SLC38A7: variants seen among roughly 807,000 people sequenced by gnomAD.
SLC38A7 encodes solute carrier family 38 member 7, also known as sodium-coupled neutral amino acid transporter 7.
A neutral mutation model predicts 50.1 loss-of-function variants in SLC38A7; 29 were observed. That is an observed-to-expected ratio of 0.58 (90% confidence interval 0.43 to 0.79). The LOEUF is 0.79. Ranked by LOEUF, SLC38A7 falls within the 30% of genes least tolerant of loss-of-function variation. The pLI is 0.00. For synonymous variants in SLC38A7, 244 were observed against 245.9 expected, an observed-to-expected ratio of 0.99 and a Z score of 0.07; for missense variants, 483 against 610.6, an observed-to-expected ratio of 0.79 and a Z score of 2.20.
chr16:58,677,271 G>T, intron 6 of SLC38A7, 55 bp downstream of exon 6: 1 of 1,506,956 alleles, frequency 6.6e-7, no homozygotes, highest in Non-Finnish European at 9.2e-7. Context: ...CCCAGCACCT[G>T]CTGGGGCCCA....
intron 3 of SLC38A7, 147 bp downstream of exon 3, chr16:58,679,710 T>G (rs370801620): frequency 9.4e-7 from 1 of 1,059,462 alleles, no homozygotes; most frequent in Non-Finnish European, 1.4e-6. Context: ...GAAAGAATAC[T>G]AGAATAGATT....
chr16:58,678,644 A>AT lies in SLC38A7; in HGVS notation c.469+51dup. ...CAGTGCCTTTTCCCTCCACCCCAGG[A>AT]TCCCTGGGGCTGATAAGAAGAGATG... On this transcript the variant is annotated intron_variant, in intron 4 of 11. Transcript: ENST00000219320. The surrounding 1 kb of genome is among the most constrained non-coding windows in gnomAD (Gnocchi z 4.0). 1.9e-6 allele frequency: 3 copies of AT among 1,591,190 alleles called. No individual in the cohort carries two copies. Among genetic ancestry groups the AT allele is most frequent in the Non-Finnish European group, 2.6e-6 (3 of 1,162,834 alleles).
chr16:58,679,650 C>T, intron 3 of SLC38A7: 2 of 604,310 alleles, frequency 3.3e-6, no homozygotes, highest in South Asian at 4.9e-5. Flanking sequence ...AATTGATGTT[C>T]AAATTTCTCT....
chr16:58,678,243 G>A lies in SLC38A7; in HGVS notation c.611+90C>T. 7.2e-7 allele frequency: 1 copy of A among 1,398,382 alleles called. No homozygotes were observed. The highest frequency in any genetic ancestry group is 9.5e-7 in the Non-Finnish European group (1 of 1,057,122). The allele number at this position is 1,398,382 out of a possible 1,614,324, so 86.6% of individuals were successfully genotyped here. A position where few individuals can be genotyped will look rare whatever the true frequency, so the allele number is the denominator to read the frequency against. ...TACTCTTGCTCCCCAAGGTGAGGTGGCATGGAGGAGCAGGGTTCCCCAGGA... is the reference window on the plus strand; with the variant it reads ...TACTCTTGCTCCCCAAGGTGAGGTGACATGGAGGAGCAGGGTTCCCCAGGA... On this transcript the variant is annotated intron_variant, in intron 5 of 11. Coordinates refer to ENST00000219320, the MANE Select transcript of SLC38A7 (RefSeq NM_018231.3). This position sits in a 1 kb window ranked among gnomAD's most constrained non-coding sequence, Gnocchi z 4.0.
intron 8 of SLC38A7, among the ~76,000 whole-genome samples, chr16:58,675,615 T>TA (rs2044248769): frequency 6.6e-6 from 1 of 152,194 alleles, no homozygotes; most frequent in Non-Finnish European, 1.5e-5. Context: ...ATTCCCCAGT[T>TA]ACTCCTGCAT....
Position 58,666,946 on chromosome 16 carries a change from G to C in SLC38A7, c.*439C>G, listed in dbSNP as rs548683361. 5.4e-6 allele frequency: 1 copy of C among 186,436 alleles called. No individual in the cohort carries two copies. The highest frequency in any genetic ancestry group is 2.3e-5 in the African/African-American group (1 of 43,016). 11.5% of individuals were successfully genotyped at this position (186,436 alleles called of 1,614,324 possible). Reference sequence around the variant, plus strand: ...CCGTTGGAAGTGGCCAGGCTCCTGAGGAAGCTACCACTGGCCTGGGGTAAT... The same window carrying C: ...CCGTTGGAAGTGGCCAGGCTCCTGACGAAGCTACCACTGGCCTGGGGTAAT... On this transcript the variant is annotated 3_prime_UTR_variant, in exon 12 of 12. Transcript: ENST00000219320.
At chr16:58,671,820 C>T in intron 9 of SLC38A7, 1 of 304,354 alleles carries the variant, frequency 3.3e-6, no homozygotes, top group South Asian at 8.2e-5. Context: ...CCTTCTGCCT[C>T]AGCCTCCCAA....
At chr16:58,669,784 G>A (rs2044122928) in intron 11 of SLC38A7, among the ~76,000 whole-genome samples, 1 of 120,608 alleles carries the variant, frequency 8.3e-6, no homozygotes, top group Non-Finnish European at 1.8e-5. Context: ...AGACCGGCCT[G>A]GCCAACATGG....
rs1300367942 is a variant in SLC38A7 at position 58,678,545 on chromosome 16, C to T, written c.470-71G>A. The T allele has an allele frequency of 5.2e-6, 8 of 1,552,362 alleles. No homozygotes were observed. The African/African-American group carries it at 8.1e-5, about 16-fold the overall frequency. ...GTGTGGCCCTCCTGCTCTGCTGGGCCCCAGGACCTCCCTCTGCCTGGAGGG... is the reference window on the plus strand; with the variant it reads ...GTGTGGCCCTCCTGCTCTGCTGGGCTCCAGGACCTCCCTCTGCCTGGAGGG... On this transcript the variant is annotated intron_variant, in intron 4 of 11. Transcript: ENST00000219320. This position sits in a 1 kb window ranked among gnomAD's most constrained non-coding sequence, Gnocchi z 4.0.
At chr16:58,684,355 T>A (rs2044448167) in intron 1 of SLC38A7, 177 bp from the exon 2 acceptor site, 1 of 152,286 alleles carries the variant, frequency 6.6e-6, no homozygotes, top group Non-Finnish European at 1.5e-5. Context: ...AGCCCTGAGA[T>A]AGAAAGGGTG....
At chr16:58,668,183 A>G (rs879645348) in intron 11 of SLC38A7, among the ~76,000 whole-genome samples, 1 of 152,052 alleles carries the variant, frequency 6.6e-6, no homozygotes, top group Non-Finnish European at 1.5e-5. Flanking sequence ...CATGTCTATA[A>G]TCCCAGCACT....
At chr16:58,670,454 T>C (rs1020321118) in intron 10 of SLC38A7, among the ~76,000 whole-genome samples, 8 of 152,198 alleles carry the variant, frequency 5.3e-5, no homozygotes, top group Admixed American at 1.3e-4. Flanking sequence ...GTCTTCCTAG[T>C]ACACTTCCCA....
In SLC38A7 at chr16:58,666,371, C is replaced by CTTTTTTT. The variant is rs5817157; in HGVS notation, c.*1007_*1013dup. ...CGTGAGCCACTGCGCCCAGCCCTGC[C>CTTTTTTT]TTTTTTTTTTTTTTTTTTTTTTGTC... On this transcript the variant is annotated 3_prime_UTR_variant, in exon 12 of 12. Coordinates refer to ENST00000219320, the MANE Select transcript of SLC38A7 (RefSeq NM_018231.3). 13 of 99,964 alleles carry CTTTTTTT rather than the reference C, an allele frequency of 1.3e-4. 1 individual carries two copies. Among genetic ancestry groups the CTTTTTTT allele is most frequent in the African/African-American group, 1.4e-4 (3 of 22,030 alleles). 6.2% of individuals were successfully genotyped at this position (99,964 alleles called of 1,614,324 possible).
At position 58,678,828 on chromosome 16, in the gene SLC38A7, T is replaced by A; in HGVS notation, c.337A>T (p.Arg113Trp). The change falls in exon 4 of 12, where the codon AGG becomes TGG. Residue 113 changes from arginine to tryptophan, a missense_variant. By Grantham distance (101) the Arg-to-Trp change is moderately radical. Coordinates refer to ENST00000219320, the MANE Select transcript of SLC38A7 (RefSeq NM_018231.3). The surrounding 1 kb of genome is among the most constrained non-coding windows in gnomAD (Gnocchi z 4.0). ...GCCCATACCACCTCCTGGTAGGTCC[T>A]CTCATTGCTGGCCTGGGAGCAGTAG... ...LAYCSQASNE[R>W]TYQEVVWAVC... The A allele has an allele frequency of 6.2e-7, 1 of 1,614,156 alleles. No homozygotes were observed. The highest frequency in any genetic ancestry group is 1.1e-5 in the South Asian group (1 of 91,084).
At position 58,684,748 on chromosome 16, in the gene SLC38A7, A is replaced by C. The variant is rs985367123; in HGVS notation, c.-371T>G. 1 of 152,266 alleles carries C rather than the reference A, an allele frequency of 6.6e-6. No individual in the cohort carries two copies. The highest frequency in any genetic ancestry group is 2.4e-5 in the African/African-American group (1 of 41,454). 9.4% of individuals were successfully genotyped at this position (152,266 alleles called of 1,614,324 possible). ...GGATTCTTTCCCGAGCCGGCTGCGG[A>C]GACACGTGAGCATGCATCACATGAC... is the stretch of plus-strand genomic sequence containing the variant. On this transcript the variant is annotated 5_prime_UTR_variant, in exon 1 of 12. Transcript: ENST00000219320.
chr16:58,683,818 A>C (rs2152086937), intron 2 of SLC38A7, 137 bp downstream of exon 2: 1 of 152,420 alleles, frequency 6.6e-6, no homozygotes, highest in East Asian at 1.9e-4. Context: ...TGCCACCCAC[A>C]TGAGAGTGCA....
chr16:58,680,120 G>A lies in SLC38A7; in HGVS notation c.7C>T (p.Gln3Ter). 6.6e-7 allele frequency: 1 copy of A among 1,523,762 alleles called. No individual in the cohort carries two copies. Among genetic ancestry groups the A allele is most frequent in the Non-Finnish European group, 8.8e-7 (1 of 1,134,532 alleles). The allele number at this position is 1,523,762 out of a possible 1,614,324, so 94.4% of individuals were successfully genotyped here. A position where few individuals can be genotyped will look rare whatever the true frequency, so the allele number is the denominator to read the frequency against. MA[Q>*]VSINNDYSEW... is the part of the protein sequence containing the mutation. ...CTGTAGTCATTGTTGATGCTGACCTGGGCCATGGCCCCGAGAGCCTTCTTC... is the reference window on the plus strand; with the variant it reads ...CTGTAGTCATTGTTGATGCTGACCTAGGCCATGGCCCCGAGAGCCTTCTTC... The change falls in exon 3 of 12, where the codon CAG becomes TAG. Residue 3 changes from glutamine (Q) to a stop codon, truncating the protein, a stop_gained. Transcript: ENST00000219320. LOFTEE classifies it high-confidence loss of function.
In SLC38A7 at chr16:58,677,428, C is replaced by A. The variant is rs944774080; in HGVS notation, c.612-4G>T. On this transcript the variant is annotated splice_region_variant and splice_polypyrimidine_tract_variant and intron_variant, in intron 5 of 11. Transcript: ENST00000219320. ...GGTACCCACGACGCTCAGGAAGCTG[C>A]CGGGAAGGAGAGACTAAGTGTCCTC... 4.3e-6 allele frequency: 7 copies of A among 1,613,862 alleles called. No individual in the cohort carries two copies. The Admixed American group carries it at 6.7e-5, about 15-fold the overall frequency.
chr16:58,673,260 G>T (rs1219821616), intron 8 of SLC38A7, among the ~76,000 whole-genome samples: 2 of 147,788 alleles, frequency 1.4e-5, no homozygotes, highest in African/African-American at 5.0e-5. Context: ...TTTTGAGATG[G>T]AGTTTTGCTC....
Sources: gnomAD v4.1 joint callset for allele counts (sites outside exome capture counted in the v4.1 genomes callset) on GRCh38, gnomAD v4.1.1 for gene constraint, Gnocchi (gnomAD v3.1) non-coding constraint, MANE v1.5 for transcripts, NCBI Gene and HGNC (gene_info 2026-07-23, HGNC 2026-07-21) for gene names.